The following USP8 variants were observed in gnomAD, a reference collection of about 807,000 sequenced individuals.
The protein encoded by USP8 is ubiquitin specific peptidase 8, also known as ubiquitin carboxyl-terminal hydrolase 8.
A neutral mutation model predicts 130.0 loss-of-function variants in USP8; 27 were observed. That is an observed-to-expected ratio of 0.21 (90% confidence interval 0.15 to 0.29). USP8 has a LOEUF of 0.29. Ranked by LOEUF, USP8 falls within the 10% of genes least tolerant of loss-of-function variation. The probability of loss-of-function intolerance (pLI) is 1.00; values close to 1 mark genes in which losing one functional copy is unlikely to be tolerated. For synonymous variants in USP8, 392 were observed against 444.1 expected (o/e 0.88, Z 1.48); for missense variants, 1,029 against 1,312.2 (o/e 0.78, Z 3.33).
In USP8 at chr15:50,476,958, C is replaced by T; in HGVS notation, c.959C>T (p.Pro320Leu). 1 of 1,607,196 alleles carries T rather than the reference C, an allele frequency of 6.2e-7. No homozygotes were observed. Among genetic ancestry groups the T allele is most frequent in the Non-Finnish European group, 8.5e-7 (1 of 1,178,688 alleles). Residue 320 changes from proline (P) to leucine (L), a missense_variant, in exon 9 of 20, where the codon CCC becomes CTC. Pro to Leu is a moderately conservative substitution (Grantham distance 98, BLOSUM62 -3). Transcript: ENST00000307179. ...QYTTNAKVTP[P>L]PRRQNEEVSI... Reference sequence around the variant, plus strand: ...ACAACAAATGCTAAGGTCACTCCACCCCCACGACGCCAGAATGAAGAGGTG... The same window carrying T: ...ACAACAAATGCTAAGGTCACTCCACTCCCACGACGCCAGAATGAAGAGGTG...
At chr15:50,428,456 T>C (rs1422929340) in intron 1 of USP8, among the ~76,000 whole-genome samples, 1 of 152,232 alleles carries the variant, frequency 6.6e-6, no homozygotes, top group African/African-American at 2.4e-5. Flanking sequence ...CTTCCTCTTA[T>C]CTGCAGGGGA....
At chr15:50,449,272 TA>T in intron 3 of USP8, 127 bp from the exon 4 acceptor site, 1 of 485,306 alleles carries the variant, frequency 2.1e-6, no homozygotes, top group Non-Finnish European at 3.5e-6. Flanking sequence ...TAAAAGTTTT[TA>T]AAAATCTTCC....
chr15:50,491,921 C>T (rs1392003485), intron 14 of USP8, among the ~76,000 whole-genome samples: 1 of 152,082 alleles, frequency 6.6e-6, no homozygotes, highest in Non-Finnish European at 1.5e-5. Context: ...GGCTGAAGTG[C>T]AGTGGCATGA....
chr15:50,500,276 C>G lies in USP8; in HGVS notation c.*1188C>G, dbSNP rs1024477126. On this transcript the variant is annotated 3_prime_UTR_variant, in exon 20 of 20. Coordinates refer to ENST00000307179, the MANE Select transcript of USP8 (RefSeq NM_005154.5). ...ATTCAAATCATATTCTTAAACTCAT[C>G]GAGCCATTTGAACAAAAATTATTTT... The G allele has an allele frequency of 6.5e-6, 1 of 153,472 alleles. No individual in the cohort carries two copies. The allele number at this position is 153,472 out of a possible 1,614,324, so 9.5% of individuals were successfully genotyped here.
At chr15:50,461,525 A>T (rs2051004788) in intron 5 of USP8, among the ~76,000 whole-genome samples, 1 of 151,758 alleles carries the variant, frequency 6.6e-6, no homozygotes, top group Non-Finnish European at 1.5e-5. Context: ...AGTTAGTACC[A>T]TACAGGATTA....
At chr15:50,489,063 G>GTGGT (rs2052066293) in intron 12 of USP8, among the ~76,000 whole-genome samples, 1 of 152,110 alleles carries the variant, frequency 6.6e-6, no homozygotes, top group Non-Finnish European at 1.5e-5. Context: ...ATAGAAATGG[G>GTGGT]TGGTTCATCA....
chr15:50,504,963 C>T lies in USP8; in HGVS notation c.*5875C>T, dbSNP rs2052638954. The T allele has an allele frequency of 1.4e-5, 2 of 141,460 alleles. No individual in the cohort carries two copies. Among genetic ancestry groups the T allele is most frequent in the African/African-American group, 5.3e-5 (2 of 37,840 alleles). The allele number at this position is 141,460 out of a possible 1,614,324, so 8.8% of individuals were successfully genotyped here. ...TGCCATTGCACTCCAGTGTGGGTGA[C>T]AGAGTGAGACTCCATCTCAAAAAAA... On this transcript the variant is annotated 3_prime_UTR_variant, in exon 20 of 20. Transcript: ENST00000307179.
At chr15:50,495,483 T>TG (rs1491273851) in intron 16 of USP8, among the ~76,000 whole-genome samples, 1,788 of 94,254 alleles carry the variant, frequency 0.019, 32 homozygotes, top group African/African-American at 0.022. Context: ...TAGTAGAGAT[T>TG]GGAGGGGGGG....
intron 3 of USP8, among the ~76,000 whole-genome samples, chr15:50,441,969 CTTTTT>C: frequency 1.2e-5 from 1 of 81,422 alleles, no homozygotes; most frequent in African/African-American, 5.0e-5. Context: ...CTCCCTAAAT[CTTTTT>C]TTTTTTTTTT....
rs1393285577 is a variant in USP8, at chr15:50,500,569, T to TAA, written c.*1482_*1483dup. On this transcript the variant is annotated 3_prime_UTR_variant, in exon 20 of 20. Transcript: ENST00000307179. ...AAATGTTAATGATGCAAGTAAGTTC[T>TAA]AAGAGTTTAATGACCAAGCAAAACT... 1.9e-6 allele frequency: 1 copy of TAA among 526,882 alleles called. No homozygotes were observed. The highest frequency in any genetic ancestry group is 1.9e-5 in the African/African-American group (1 of 52,374). The allele number at this position is 526,882 out of a possible 1,614,324, so 32.6% of individuals were successfully genotyped here. A position where few individuals can be genotyped will look rare whatever the true frequency, so the allele number is the denominator to read the frequency against.
intron 14 of USP8, 100 bp from the exon 15 acceptor site, chr15:50,492,601 C>G: frequency 1.7e-6 from 2 of 1,155,046 alleles, no homozygotes; most frequent in Non-Finnish European, 2.4e-6. Flanking sequence ...TACAAGATGC[C>G]TGTGGTACAG....
At position 50,482,036 on chromosome 15, in the gene USP8, T is replaced by C; in HGVS notation, c.1774T>C (p.Ser592Pro). ...GTCAACAGGAGATGTGCCCCATACA[T>C]CTGTGACAGGGGATTCAGGTTCAGG... ...KKSTGDVPHT[S>P]VTGDSGSGKP... The change falls in exon 11 of 20, where the codon TCT (serine) becomes CCT (proline). Residue 592 changes from serine to proline, a missense_variant. Physicochemically the swap from Ser to Pro is moderately conservative, Grantham distance 74. Transcript: ENST00000307179. 6.5e-7 allele frequency: 1 copy of C among 1,526,846 alleles called. No homozygotes were observed. The highest frequency in any genetic ancestry group is 8.7e-7 in the Non-Finnish European group (1 of 1,144,046). The allele number at this position is 1,526,846 out of a possible 1,614,324, so 94.6% of individuals were successfully genotyped here. A position where few individuals can be genotyped will look rare whatever the true frequency, so the allele number is the denominator to read the frequency against.
At chr15:50,435,032 A>G (rs1028204207) in intron 1 of USP8, among the ~76,000 whole-genome samples, 4 of 152,196 alleles carry the variant, frequency 2.6e-5, no homozygotes, top group South Asian at 4.1e-4. Context: ...ATAAGTATCA[A>G]TGGGTTTGTT....
intron 3 of USP8, among the ~76,000 whole-genome samples, chr15:50,444,012 G>A (rs950540473): frequency 6.6e-6 from 1 of 151,646 alleles, no homozygotes; most frequent in African/African-American, 2.4e-5. Flanking sequence ...TGTAAGTGGT[G>A]CTCACTAAAG....
At chr15:50,475,345 C>CA (rs2051528258) in intron 8 of USP8, among the ~76,000 whole-genome samples, 1 of 152,040 alleles carries the variant, frequency 6.6e-6, no homozygotes, top group African/African-American at 2.4e-5. Flanking sequence ...TGTCCAACTT[C>CA]ACCAATAAAG....
chr15:50,497,017 C>A (rs1363206738), intron 17 of USP8, 72 bp from the exon 18 acceptor site: 8 of 1,525,160 alleles, frequency 5.2e-6, no homozygotes, highest in Admixed American at 2.2e-5. Context: ...GAGTGACTAA[C>A]TAAATAGGTG....
rs772004688 is a variant in USP8 at position 50,484,313 on chromosome 15, A to G, written c.1842A>G (p.Leu614=). ...KIKGQPESGI[L]RTGTFREDTD... ...AAGGACAACCAGAAAGTGGAATTCTAAGGACAGGAACTTTTAGAGAGGATA... is the reference window on the plus strand; with the variant it reads ...AAGGACAACCAGAAAGTGGAATTCTGAGGACAGGAACTTTTAGAGAGGATA... Residue 614 remains leucine, a synonymous_variant, in exon 12 of 20, where the codon CTA becomes CTG. Transcript: ENST00000307179. 2 of 1,612,220 alleles carry G rather than the reference A, an allele frequency of 1.2e-6. No homozygotes were observed. The highest frequency in any genetic ancestry group is 2.2e-5 in the South Asian group (2 of 90,768).
intron 7 of USP8, among the ~76,000 whole-genome samples, chr15:50,467,423 T>G (rs985815800): frequency 6.6e-6 from 1 of 152,256 alleles, no homozygotes; most frequent in Non-Finnish European, 1.5e-5. Flanking sequence ...TAAAGGAGTT[T>G]CAGTTTGGTG....
intron 4 of USP8, among the ~76,000 whole-genome samples, chr15:50,450,730 C>T (rs1461636863): frequency 6.6e-6 from 1 of 152,078 alleles, no homozygotes; most frequent in African/African-American, 2.4e-5. Context: ...CTCGGCCTCC[C>T]AAAGTGCTGG....
Sources: gnomAD v4.1 joint callset for allele counts (sites outside exome capture counted in the v4.1 genomes callset) on GRCh38, gnomAD v4.1.1 for gene constraint, MANE v1.5 for transcripts, NCBI Gene and HGNC (gene_info 2026-07-23, HGNC 2026-07-21) for gene names.